Variants in ROBO2 observed in about 807,000 individuals in gnomAD.
ROBO2 encodes roundabout homolog 2.
ROBO2 carries 53 observed loss-of-function variants against 160.8 expected under a neutral mutation model. That is an observed-to-expected ratio of 0.33 (90% CI 0.26 to 0.41). The LOEUF (loss-of-function observed/expected upper bound fraction) is 0.41. Among genes scored for constraint, ROBO2 ranks in the 10% least tolerant of loss-of-function variants. The pLI, the probability that ROBO2 is intolerant of heterozygous loss-of-function variation, is 1.00. For synonymous variants in ROBO2, 664 were observed against 611.7 expected (o/e 1.09, Z -1.26); for missense variants, 1,577 against 1,722.4 (o/e 0.92, Z 1.49).
intron 2 of ROBO2, among the ~76,000 whole-genome samples, chr3:76,506,613 G>A (rs919316447): frequency 6.6e-6 from 1 of 152,084 alleles, no homozygotes; most frequent in Non-Finnish European, 1.5e-5. Context: ...ACCTTCATTA[G>A]AGATTTAATA....
chr3:77,260,425 A>G (rs2058700812), intron 2 of ROBO2, among the ~76,000 whole-genome samples: 1 of 152,154 alleles, frequency 6.6e-6, no homozygotes, highest in African/African-American at 2.4e-5. Flanking sequence ...ATTTTTAGCA[A>G]TCAATGAGTT....
intron 5 of ROBO2, among the ~76,000 whole-genome samples, chr3:77,511,174 A>G (rs2089342558): frequency 6.6e-6 from 1 of 152,000 alleles, no homozygotes; most frequent in African/African-American, 2.4e-5. Flanking sequence ...CGAGCTGGGA[A>G]CTTTACAGCT....
intron 4 of ROBO2, 24 bp downstream of exon 4, chr3:77,481,243 A>C (rs528320220): frequency 3.3e-6 from 5 of 1,495,342 alleles, no homozygotes; most frequent in African/African-American, 1.4e-5. Context: ...CTAAATTATA[A>C]ATTTTTATTT....
At position 76,054,062 on chromosome 3, in the gene ROBO2, T is replaced by A. The variant is rs546039329; in HGVS notation, c.109+116460T>A. 3.9e-4 allele frequency among the ~76,000 whole-genome samples: 59 copies of A among 152,224 alleles called. 2 individuals are homozygous for A. The highest frequency in any genetic ancestry group is 3.4e-3 in the Middle Eastern group (1 of 294). ...TAACAAACATGTCTGATATGGAAAT[T>A]TAAGTTTTATGTCTTTATGGAAATA... is the stretch of plus-strand genomic sequence containing the variant. On this transcript the variant is annotated intron_variant, in intron 2 of 26. Coordinates refer to the ROBO2 transcript ENST00000487694.
At chr3:76,869,342 G>GTTTTTTTTTTTTTTTTTTTTTTTTTT (rs34051755) in intron 2 of ROBO2, among the ~76,000 whole-genome samples, 2 of 71,358 alleles carry the variant, frequency 2.8e-5, no homozygotes, top group Non-Finnish European at 5.2e-5. Context: ...AGAAATTGAT[G>GTTTTTTTTTTTTTTTTTTTTTTTTTT]TTTTTTTTTT....
intron 2 of ROBO2, among the ~76,000 whole-genome samples, chr3:76,827,200 T>C (rs2066666516): frequency 6.6e-6 from 1 of 152,164 alleles, no homozygotes; most frequent in African/African-American, 2.4e-5. Context: ...CAATTTTCAG[T>C]CTGACGACTC....
intron 2 of ROBO2, among the ~76,000 whole-genome samples, chr3:76,864,950 A>G (rs753627403): frequency 1.1e-4 from 16 of 152,118 alleles, no homozygotes; most frequent in Non-Finnish European, 2.2e-4. Context: ...ACAATGCACA[A>G]TATAATATTT....
intron 2 of ROBO2, among the ~76,000 whole-genome samples, chr3:77,012,585 AG>A (rs2149470600): frequency 6.6e-6 from 1 of 152,338 alleles, no homozygotes; most frequent in Non-Finnish European, 1.5e-5. Context: ...CCACTGGGTA[AG>A]TTACATGGAT....
At chr3:75,957,717 C>A (rs1324619611) in intron 2 of ROBO2, among the ~76,000 whole-genome samples, 2 of 147,656 alleles carry the variant, frequency 1.4e-5, no homozygotes, top group African/African-American at 5.0e-5. Flanking sequence ...TTTTTTTTTT[C>A]ATCTTTGGAA....
intron 2 of ROBO2, among the ~76,000 whole-genome samples, chr3:76,999,021 G>A (rs547939000): frequency 2.0e-5 from 3 of 152,154 alleles, no homozygotes; most frequent in East Asian, 1.9e-4. Context: ...CTACATTAAT[G>A]TTCATACTGG....
chr3:75,908,873 T>C (rs1022336668), intron 1 of ROBO2, among the ~76,000 whole-genome samples: 2 of 152,202 alleles, frequency 1.3e-5, no homozygotes, highest in African/African-American at 4.8e-5. Flanking sequence ...TGGGATAATT[T>C]GTGTCTTATA....
chr3:76,871,040 TACTC>T (rs1000741759), intron 2 of ROBO2, among the ~76,000 whole-genome samples: 14 of 152,196 alleles, frequency 9.2e-5, no homozygotes, highest in African/African-American at 3.4e-4. Context: ...GCATGAAACT[TACTC>T]TGTAGTTCTT....
intron 2 of ROBO2, among the ~76,000 whole-genome samples, chr3:76,417,141 A>G (rs1300489496): frequency 3.9e-5 from 6 of 152,200 alleles, no homozygotes; most frequent in African/African-American, 1.2e-4. Flanking sequence ...ACTGGAGGAA[A>G]AAAGCTCATG....
intron 2 of ROBO2, among the ~76,000 whole-genome samples, chr3:77,126,782 CTTTTTTTTTTTT>C (rs11365042): frequency 3.2e-5 from 2 of 62,626 alleles, no homozygotes; most frequent in African/African-American, 1.5e-4. Context: ...TTTGAAACTT[CTTTTTTTTTTTT>C]TTTTTTTTTT....
chr3:77,253,829 G>A (rs1033089885), intron 2 of ROBO2, among the ~76,000 whole-genome samples: 1 of 152,178 alleles, frequency 6.6e-6, no homozygotes, highest in Non-Finnish European at 1.5e-5. Flanking sequence ...TAGAGGTAAA[G>A]AAATGACCTA....
At chr3:76,440,931 T>C (rs2076898148) in intron 2 of ROBO2, among the ~76,000 whole-genome samples, 1 of 152,162 alleles carries the variant, frequency 6.6e-6, no homozygotes, top group Non-Finnish European at 1.5e-5. Context: ...CTTTGGCCTA[T>C]TATCCCATCT....
intron 2 of ROBO2, among the ~76,000 whole-genome samples, chr3:76,132,400 G>GA (rs1553653782): frequency 7.5e-6 from 1 of 132,736 alleles, no homozygotes; most frequent in African/African-American, 2.6e-5. Context: ...CTGTTGGGGG[G>GA]GGGGGGGGAC....
chr3:76,558,852 C>T (rs1333553916), intron 2 of ROBO2, among the ~76,000 whole-genome samples: 2 of 152,146 alleles, frequency 1.3e-5, no homozygotes, highest in Admixed American at 6.5e-5. Flanking sequence ...ACTTTTCTGC[C>T]GATAATGTGA....
intron 2 of ROBO2, among the ~76,000 whole-genome samples, chr3:76,324,440 G>A (rs1413533420): frequency 6.6e-6 from 1 of 152,198 alleles, no homozygotes; most frequent in Non-Finnish European, 1.5e-5. Context: ...AAAGGTCACT[G>A]TAAATGAATA....
Sources: allele counts gnomAD v4.1 joint callset (sites outside exome capture counted in the v4.1 genomes callset), GRCh38; gene constraint gnomAD v4.1.1; transcripts MANE v1.5; gene names NCBI Gene and HGNC (gene_info 2026-07-23, HGNC 2026-07-21).